PDZD8: variants seen among roughly 807,000 people sequenced by gnomAD.
The protein encoded by PDZD8 is PDZ domain containing 8, also known as PDZ domain-containing protein 8.
In PDZD8, 14 loss-of-function variants were observed where a neutral mutation model predicts 85.8. That is an observed-to-expected ratio of 0.16 (90% CI 0.11 to 0.26). PDZD8 has a LOEUF of 0.26. Among genes scored for constraint, PDZD8 ranks in the 10% least tolerant of loss-of-function variants. The probability of loss-of-function intolerance (pLI) is 1.00; values close to 1 mark genes in which losing one functional copy is unlikely to be tolerated. For missense variants in PDZD8, 1,197 were observed against 1,424.3 expected, an observed-to-expected ratio of 0.84 and a Z score of 2.57; for synonymous variants, 592 against 568.6, an observed-to-expected ratio of 1.04 and a Z score of -0.59.
chr10:117,370,651 G>C (rs9943329), intron 1 of PDZD8, among the ~76,000 whole-genome samples: 1 of 152,160 alleles, frequency 6.6e-6, no homozygotes, highest in East Asian at 1.9e-4. Context: ...AAACCAGCCT[G>C]GCCAACATGG....
In PDZD8 at chr10:117,375,155, G is replaced by T. The variant is rs763781513; in HGVS notation, c.73C>A (p.Leu25Met). Residue 25 changes from leucine (L) to methionine (M), a missense_variant, in exon 1 of 5, where the codon CTG becomes ATG. Leu to Met is a conservative substitution (Grantham distance 15, BLOSUM62 2). This residue lies in a region of PDZD8 where 172 missense variants were observed against 137.8 expected (regional missense o/e 1.25). Transcript: ENST00000334464. ...SFLTLLAQFF[L>M]LYRRQPEPPA... ...GGCTCGGGCTGTCTGCGGTACAGCAGGAAGAACTGGGCGAGGAGCGTGAGG... is the reference window on the plus strand; with the variant it reads ...GGCTCGGGCTGTCTGCGGTACAGCATGAAGAACTGGGCGAGGAGCGTGAGG... 1 of 1,588,174 alleles carries T rather than the reference G, an allele frequency of 6.3e-7. No homozygotes were observed. Among genetic ancestry groups the T allele is most frequent in the East Asian group, 2.3e-5 (1 of 44,074 alleles).
intron 3 of PDZD8, among the ~76,000 whole-genome samples, chr10:117,291,541 AG>A (rs1159667327): frequency 6.7e-6 from 1 of 150,342 alleles, no homozygotes; most frequent in East Asian, 2.0e-4. Context: ...AAAAAAAAAA[AG>A]AGTTATCATG....
intron 2 of PDZD8, among the ~76,000 whole-genome samples, chr10:117,327,702 T>G (rs557085201): frequency 2.0e-5 from 3 of 152,372 alleles, no homozygotes; most frequent in Non-Finnish European, 2.9e-5. Flanking sequence ...AATTGTCTTT[T>G]GACAGGTGTT....
intron 3 of PDZD8, among the ~76,000 whole-genome samples, chr10:117,299,687 T>C (rs1843813413): frequency 6.6e-6 from 1 of 152,172 alleles, no homozygotes; most frequent in African/African-American, 2.4e-5. Flanking sequence ...TTCTTTATGA[T>C]ATCTATTTCT....
chr10:117,369,251 C>G (rs991024441), intron 1 of PDZD8, among the ~76,000 whole-genome samples: 1 of 151,930 alleles, frequency 6.6e-6, no homozygotes, highest in African/African-American at 2.4e-5. Flanking sequence ...CTCTGCCTCT[C>G]GGGTTCAAGC....
chr10:117,305,515 C>CACACACAT (rs1324004968), intron 3 of PDZD8, among the ~76,000 whole-genome samples: 39 of 135,930 alleles, frequency 2.9e-4, no homozygotes, highest in African/African-American at 9.5e-4. Context: ...CACACACACA[C>CACACACAT]ATATATGGAG....
chr10:117,373,073 G>C (rs1350590011), intron 1 of PDZD8, among the ~76,000 whole-genome samples: 1 of 152,036 alleles, frequency 6.6e-6, no homozygotes, highest in Non-Finnish European at 1.5e-5. Flanking sequence ...AAAATTAAAG[G>C]AGGACCGAAA....
Position 117,318,817 on chromosome 10 carries a change from C to T in PDZD8, c.1098+55G>A. ...AGGAATACAGAAATAGTAATAAATGCATGCTTATAAAATAGAACTTTATAT... is the reference window on the plus strand; with the variant it reads ...AGGAATACAGAAATAGTAATAAATGTATGCTTATAAAATAGAACTTTATAT... On this transcript the variant is annotated intron_variant, in intron 3 of 4. Coordinates refer to ENST00000334464, the MANE Select transcript of PDZD8 (RefSeq NM_173791.5). The T allele has an allele frequency of 1.6e-6, 2 of 1,255,574 alleles. 1 individual carries two copies. The highest frequency in any genetic ancestry group is 2.5e-5 in the South Asian group (2 of 79,314). 77.8% of individuals were successfully genotyped at this position (1,255,574 alleles called of 1,614,324 possible). A position where few individuals can be genotyped will look rare whatever the true frequency, so the allele number is the denominator to read the frequency against.
intron 3 of PDZD8, among the ~76,000 whole-genome samples, chr10:117,306,474 G>A (rs1028195638): frequency 3.3e-5 from 5 of 151,954 alleles, no homozygotes; most frequent in East Asian, 1.9e-4. Context: ...TGCAAAGGCC[G>A]AGGTTGTCAG....
At chr10:117,345,907 T>C (rs1844697883) in intron 1 of PDZD8, among the ~76,000 whole-genome samples, 1 of 152,216 alleles carries the variant, frequency 6.6e-6, no homozygotes. Flanking sequence ...ATAAATATGT[T>C]CATGGAAAAA....
At chr10:117,350,255 T>C (rs1564709174) in intron 1 of PDZD8, among the ~76,000 whole-genome samples, 2 of 140,362 alleles carry the variant, frequency 1.4e-5, no homozygotes, top group Non-Finnish European at 3.0e-5. Context: ...CTGTTTTTTT[T>C]GTTTGTTTGT....
Position 117,374,281 on chromosome 10 carries a change from C to G in PDZD8, c.872+75G>C, listed in dbSNP as rs1233792944. ...GCCAGGACAGAAATGAGCCTTTGCC[C>G]TTCCCAATCCACGCAGCGTCCCGCC... On this transcript the variant is annotated intron_variant, in intron 1 of 4. Transcript: ENST00000334464. This position sits in a 1 kb window ranked among gnomAD's most constrained non-coding sequence, Gnocchi z 7.8. 1.9e-6 allele frequency: 3 copies of G among 1,571,016 alleles called. No homozygotes were observed. The African/African-American group carries it at 4.0e-5, about 21-fold the overall frequency.
In PDZD8 at chr10:117,374,652, G is replaced by A; in HGVS notation, c.576C>T (p.Phe192=). ...LPAACPEELA[F]EAEVEYNGGF... ...CCCCGTTGTACTCCACCTCCGCCTC[G>A]AAGGCCAGCTCCTCGGGGCAGGCGG... The change falls in exon 1 of 5, where the codon TTC becomes TTT. Residue 192 remains phenylalanine (F), a synonymous_variant. Coordinates refer to ENST00000334464, the MANE Select transcript of PDZD8 (RefSeq NM_173791.5). The surrounding 1 kb of genome is among the most constrained non-coding windows in gnomAD (Gnocchi z 7.8). 6.3e-7 allele frequency: 1 copy of A among 1,585,244 alleles called. No homozygotes were observed. Among genetic ancestry groups the A allele is most frequent in the South Asian group, 1.1e-5 (1 of 88,356 alleles).
chr10:117,358,951 A>AACC (rs1220975564), intron 1 of PDZD8, among the ~76,000 whole-genome samples: 2 of 152,192 alleles, frequency 1.3e-5, no homozygotes, highest in Non-Finnish European at 2.9e-5. Context: ...TTCCACAAGG[A>AACC]ACCACTTCAG....
chr10:117,311,034 C>A (rs947464869), intron 3 of PDZD8, among the ~76,000 whole-genome samples: 1 of 152,174 alleles, frequency 6.6e-6, no homozygotes, highest in Non-Finnish European at 1.5e-5. Flanking sequence ...CAATTTCATT[C>A]AGCAAGACTT....
chr10:117,374,865 C>T lies in PDZD8; in HGVS notation c.363G>A (p.Lys121=). The change falls in exon 1 of 5, where the codon AAG becomes AAA. Residue 121 remains lysine, a synonymous_variant. Transcript: ENST00000334464. This position sits in a 1 kb window ranked among gnomAD's most constrained non-coding sequence, Gnocchi z 7.8. ...GCTCCTCGAACTCCACCTTGATCTTCTTGGTGACCCAGCGGCGGGTCAGCG... is the reference window on the plus strand; with the variant it reads ...GCTCCTCGAACTCCACCTTGATCTTTTTGGTGACCCAGCGGCGGGTCAGCG... ...DTALTRRWVT[K]KIKVEFEELL... is the part of the protein sequence containing the mutation. 1 of 1,613,734 alleles carries T rather than the reference C, an allele frequency of 6.2e-7. No homozygotes were observed.
intron 3 of PDZD8, among the ~76,000 whole-genome samples, chr10:117,296,112 G>A (rs1406348172): frequency 6.6e-6 from 1 of 151,868 alleles, no homozygotes; most frequent in African/African-American, 2.4e-5. Flanking sequence ...GAGCTATTAA[G>A]TGAAATTAAG....
intron 1 of PDZD8, among the ~76,000 whole-genome samples, chr10:117,347,322 T>A (rs1165913554): frequency 6.6e-6 from 1 of 152,216 alleles, no homozygotes; most frequent in East Asian, 1.9e-4. Flanking sequence ...ATTCTTTATC[T>A]TAATTCAGAC....
intron 1 of PDZD8, among the ~76,000 whole-genome samples, chr10:117,369,623 G>T (rs1218780311): frequency 6.6e-6 from 1 of 151,962 alleles, no homozygotes; most frequent in Non-Finnish European, 1.5e-5. Flanking sequence ...TCCAGTACGG[G>T]TCTCAAATTC....
Sources: allele counts gnomAD v4.1 joint callset (sites outside exome capture counted in the v4.1 genomes callset), GRCh38; gene constraint gnomAD v4.1.1; regional missense constraint gnomAD v4.1.1; non-coding constraint Gnocchi (gnomAD v3.1); transcripts MANE v1.5; gene names NCBI Gene and HGNC (gene_info 2026-07-23, HGNC 2026-07-21).